RAB38: variants seen among roughly 807,000 people sequenced by gnomAD.
The protein encoded by RAB38 is RAB38, member RAS oncogene family.
In RAB38, 15 loss-of-function variants were observed where a neutral mutation model predicts 18.4. The ratio of observed to expected loss-of-function variants is 0.82; its 90% CI spans 0.55 to 1.26. The LOEUF (loss-of-function observed/expected upper bound fraction) is 1.26. Among genes scored for constraint, RAB38 ranks in the 50% most tolerant of loss-of-function variants. RAB38 has a pLI of 0.00. For missense variants in RAB38, 294 were observed against 267.4 expected (o/e 1.10, Z -0.69); for synonymous variants, 101 against 104.4 (o/e 0.97, Z 0.20).
At chr11:88,013,892 C>G in the RAB38 span, among the ~76,000 whole-genome samples, 5 of 152,106 alleles carry the variant, frequency 3.3e-5, no homozygotes, top group African/African-American at 9.7e-5. Context: ...CATCGCAGTA[C>G]CCTTTACATA....
chr11:88,142,891 T>C (rs1231209013), intron 2 of RAB38, among the ~76,000 whole-genome samples: 1 of 152,226 alleles, frequency 6.6e-6, no homozygotes, highest in Non-Finnish European at 1.5e-5. Context: ...AATTGCTCCA[T>C]TTTGTCACAT....
the RAB38 span, among the ~76,000 whole-genome samples, chr11:87,807,061 G>A: frequency 6.6e-6 from 1 of 152,122 alleles, no homozygotes; most frequent in Non-Finnish European, 1.5e-5. Context: ...TCTCATAGGA[G>A]CGCGAACTCT....
chr11:88,174,524 G>C (rs1298005898), intron 1 of RAB38, among the ~76,000 whole-genome samples: 1 of 148,700 alleles, frequency 6.7e-6, no homozygotes, highest in African/African-American at 2.5e-5. Flanking sequence ...AGAAGACAGA[G>C]AGCCAGAGAG....
At chr11:88,093,989 C>T in the RAB38 span, among the ~76,000 whole-genome samples, 1 of 144,182 alleles carries the variant, frequency 6.9e-6, no homozygotes, top group Non-Finnish European at 1.6e-5. Context: ...ACTCCTGCAT[C>T]ATTGCTTCCA....
the RAB38 span, among the ~76,000 whole-genome samples, chr11:87,938,545 C>T: frequency 6.6e-6 from 1 of 151,114 alleles, no homozygotes. Flanking sequence ...CTTTTCAGTG[C>T]CATTAGGTTG....
At chr11:88,129,013 T>C (rs1942736794) in intron 2 of RAB38, among the ~76,000 whole-genome samples, 1 of 152,214 alleles carries the variant, frequency 6.6e-6, no homozygotes, top group African/African-American at 2.4e-5. Flanking sequence ...TATATCACTA[T>C]ATGGACAGTT....
downstream of RAB38, among the ~76,000 whole-genome samples, chr11:88,110,895 C>T (rs1181705692): frequency 6.6e-6 from 1 of 150,664 alleles, no homozygotes; most frequent in African/African-American, 2.5e-5. Context: ...AAATCCAGCA[C>T]TTTGGGAGTC....
the RAB38 span, among the ~76,000 whole-genome samples, chr11:87,952,446 G>C: frequency 8.6e-5 from 13 of 152,042 alleles, no homozygotes; most frequent in Non-Finnish European, 1.5e-5. Flanking sequence ...TTGATGTATT[G>C]GTATATCCAC....
At chr11:87,918,410 G>A in the RAB38 span, among the ~76,000 whole-genome samples, 1 of 152,090 alleles carries the variant, frequency 6.6e-6, no homozygotes, top group Non-Finnish European at 1.5e-5. Flanking sequence ...AACCAGTAGT[G>A]AAATTACTGG....
the RAB38 span, among the ~76,000 whole-genome samples, chr11:88,035,420 A>G: frequency 6.6e-6 from 1 of 152,174 alleles, no homozygotes; most frequent in African/African-American, 2.4e-5. Flanking sequence ...CTCTAGAGGG[A>G]CATAACTAAT....
the RAB38 span, among the ~76,000 whole-genome samples, chr11:87,858,830 A>G: frequency 2.0e-5 from 3 of 151,946 alleles, no homozygotes; most frequent in Non-Finnish European, 4.4e-5. Context: ...GGTATTTATT[A>G]AACTGTGAAA....
At chr11:87,859,064 A>C in the RAB38 span, among the ~76,000 whole-genome samples, 6,734 of 152,054 alleles carry the variant, frequency 0.044, 232 homozygotes, top group African/African-American at 0.094. Context: ...GGAAAAGAAT[A>C]GACTCTTTAA....
At chr11:88,005,174 T>C in the RAB38 span, among the ~76,000 whole-genome samples, 1 of 151,362 alleles carries the variant, frequency 6.6e-6, no homozygotes, top group Admixed American at 6.6e-5. Context: ...AAACTCAGAA[T>C]AACAAAACGT....
chr11:88,071,268 A>ACACG, the RAB38 span, among the ~76,000 whole-genome samples: 25 of 151,914 alleles, frequency 1.6e-4, no homozygotes, highest in Admixed American at 7.9e-4. Flanking sequence ...ACACACACAC[A>ACACG]CACGTGTGCA....
chr11:87,869,451 C>T, the RAB38 span, among the ~76,000 whole-genome samples: 2 of 151,464 alleles, frequency 1.3e-5, no homozygotes, highest in Admixed American at 1.3e-4. Context: ...TACTGCTCTG[C>T]TTACTCTACT....
rs553988147 is a variant in RAB38 at position 88,118,654 on chromosome 11, G to T, written c.484-4514C>A. Among the ~76,000 whole-genome samples the T allele has an allele frequency of 9.1e-4, 139 of 152,268 alleles. 2 individuals are homozygous for T. Among genetic ancestry groups the T allele is most frequent in the African/African-American group, 3.3e-3 (136 of 41,554 alleles). On this transcript the variant is annotated intron_variant, in intron 2 of 2. Coordinates refer to ENST00000243662, the MANE Select transcript of RAB38 (RefSeq NM_022337.3). ...TGTATATACTCTGACTTCCAGGACAGGTAAAATTGGACTGGATATCACTGT... is the reference window on the plus strand; with the variant it reads ...TGTATATACTCTGACTTCCAGGACATGTAAAATTGGACTGGATATCACTGT...
At chr11:88,150,452 C>G (rs1051746252) in intron 1 of RAB38, among the ~76,000 whole-genome samples, 1 of 152,156 alleles carries the variant, frequency 6.6e-6, no homozygotes, top group Non-Finnish European at 1.5e-5. Context: ...ACATAACCAT[C>G]CCTGCCACCA....
the RAB38 span, among the ~76,000 whole-genome samples, chr11:87,902,237 A>C: frequency 2.0e-5 from 3 of 151,536 alleles, no homozygotes; most frequent in African/African-American, 7.3e-5. Flanking sequence ...AATTTCTATA[A>C]TAAGGCCACC....
chr11:87,953,836 A>G, the RAB38 span, among the ~76,000 whole-genome samples: 2 of 151,440 alleles, frequency 1.3e-5, no homozygotes, highest in Non-Finnish European at 2.9e-5. Context: ...TAGGCCCAAG[A>G]TGGAATCTGT....
Sources: gnomAD v4.1 joint callset for allele counts (sites outside exome capture counted in the v4.1 genomes callset) on GRCh38, gnomAD v4.1.1 for gene constraint, MANE v1.5 for transcripts, NCBI Gene and HGNC (gene_info 2026-07-23, HGNC 2026-07-21) for gene names.